The following PHEX variants were observed in gnomAD, a reference collection of about 807,000 sequenced individuals.
The protein encoded by PHEX is phosphate regulating endopeptidase X-linked, also known as phosphate-regulating neutral endopeptidase PHEX.
PHEX carries 16 observed loss-of-function variants against 68.0 expected under a neutral mutation model. The ratio of observed to expected loss-of-function variants is 0.24; its 90% CI spans 0.16 to 0.36. The LOEUF (loss-of-function observed/expected upper bound fraction) is 0.36, where lower values mean the gene tolerates loss of function less well. Among genes scored for constraint, PHEX ranks in the 10% least tolerant of loss-of-function variants. The pLI is 1.00. For missense variants in PHEX, 480 were observed against 575.5 expected, an observed-to-expected ratio of 0.83 and a Z score of 1.70; for synonymous variants, 208 against 205.1, an observed-to-expected ratio of 1.01 and a Z score of -0.12.
chrX:22,091,882 G>A (rs1333352050), intron 6 of PHEX, among the ~76,000 whole-genome samples: 1 of 112,123 alleles, frequency 8.9e-6, no homozygotes, highest in Non-Finnish European at 1.9e-5. Flanking sequence ...ATGGTGTCAG[G>A]CAAGAGAGCT....
intron 5 of PHEX, among the ~76,000 whole-genome samples, chrX:22,082,404 C>T (rs1462211711): frequency 8.9e-6 from 1 of 112,312 alleles, no homozygotes; most frequent in African/African-American, 3.2e-5. Context: ...ACCATTCTGA[C>T]TGGTGTGAGA....
At chrX:22,041,661 A>T (rs1361898704) in intron 2 of PHEX, among the ~76,000 whole-genome samples, 1 of 110,293 alleles carries the variant, frequency 9.1e-6, no homozygotes, top group Non-Finnish European at 1.9e-5. Flanking sequence ...GAGCAGGCGG[A>T]ACTATCAGGA....
Position 22,047,046 on chromosome X carries a change from A to G in PHEX, c.188-4A>G. 1 of 1,203,175 alleles carries G rather than the reference A, an allele frequency of 8.3e-7. No homozygotes were observed. ...ATTAATCCTATGATTTTCTTTCTAA[A>G]TAGCTGCTGCCATCTTAAGTAAAGT... On this transcript the variant is annotated splice_polypyrimidine_tract_variant and splice_region_variant and intron_variant, in intron 2 of 21. Transcript: ENST00000379374.
chrX:22,139,411 TGTCG>T (rs1932363667), intron 12 of PHEX, among the ~76,000 whole-genome samples: 1 of 112,190 alleles, frequency 8.9e-6, no homozygotes, highest in African/African-American at 3.2e-5. Flanking sequence ...AATTCAGTAT[TGTCG>T]TTGTGATATA....
intron 9 of PHEX, among the ~76,000 whole-genome samples, chrX:22,102,603 C>G (rs1183591121): frequency 8.9e-6 from 1 of 112,129 alleles, no homozygotes; most frequent in Non-Finnish European, 1.9e-5. Context: ...TACCCCATCA[C>G]CACCACAAGG....
rs1178231055 is a variant in PHEX at position 22,190,969 on chromosome X, A to G, written c.1645+467A>G. ...TTATGTCTTGAGGTTTTCTACTTAC[A>G]TGTATCAGGTATATGTAATTAAAAA... On this transcript the variant is annotated intron_variant, in intron 15 of 21. Transcript: ENST00000379374. Among the ~76,000 whole-genome samples the G allele has an allele frequency of 8.9e-5, 10 of 112,013 alleles. No individual in the cohort carries two copies. In the South Asian group the frequency reaches 2.6e-3, roughly 29 times the overall value.
At chrX:22,066,203 T>C (rs1012615990) in intron 3 of PHEX, among the ~76,000 whole-genome samples, 1 of 112,000 alleles carries the variant, frequency 8.9e-6, no homozygotes, top group Non-Finnish European at 1.9e-5. Flanking sequence ...GCGATATGTT[T>C]TGCCAGAGCT....
chrX:22,108,025 T>C (rs1382040332), intron 9 of PHEX, among the ~76,000 whole-genome samples: 1 of 112,149 alleles, frequency 8.9e-6, no homozygotes, highest in African/African-American at 3.2e-5. Flanking sequence ...CTGTAGGTGC[T>C]GGGTTCTTAC....
chrX:22,219,462 A>C (rs1321518334), intron 17 of PHEX, among the ~76,000 whole-genome samples: 2 of 112,508 alleles, frequency 1.8e-5, no homozygotes, highest in South Asian at 7.3e-4. Flanking sequence ...CTGGAGGAGC[A>C]AGCTCTGCTC....
intron 5 of PHEX, among the ~76,000 whole-genome samples, chrX:22,086,473 A>T (rs1357250840): frequency 2.7e-5 from 3 of 111,985 alleles, no homozygotes; most frequent in African/African-American, 9.7e-5. Flanking sequence ...AGAAACTATG[A>T]GTCAGGGAAA....
intron 12 of PHEX, among the ~76,000 whole-genome samples, chrX:22,142,230 C>T (rs778601572): frequency 7.2e-5 from 8 of 111,795 alleles, no homozygotes; most frequent in Non-Finnish European, 1.3e-4. Flanking sequence ...CCAGCCTGGG[C>T]GACAGAGTGA....
chrX:22,078,027 T>A (rs1248983828), intron 5 of PHEX, among the ~76,000 whole-genome samples: 2 of 112,012 alleles, frequency 1.8e-5, no homozygotes, highest in Non-Finnish European at 3.8e-5. Context: ...AGCAGAGATT[T>A]TCTGAGCCCT....
intron 3 of PHEX, among the ~76,000 whole-genome samples, chrX:22,063,520 G>A (rs1928464630): frequency 8.9e-6 from 1 of 111,982 alleles, no homozygotes; most frequent in African/African-American, 3.2e-5. Context: ...GGGAATGCGT[G>A]GGAGGTGCTG....
At chrX:22,127,172 C>T (rs974176093) in intron 11 of PHEX, among the ~76,000 whole-genome samples, 1 of 110,453 alleles carries the variant, frequency 9.1e-6, no homozygotes, top group African/African-American at 3.3e-5. Flanking sequence ...GCGCCCTGCC[C>T]CTGAAATAAA....
At chrX:22,157,493 A>T (rs757476744) in intron 12 of PHEX, among the ~76,000 whole-genome samples, 1 of 112,710 alleles carries the variant, frequency 8.9e-6, no homozygotes, top group South Asian at 3.6e-4. Context: ...GTTTACCAAG[A>T]AAACTCAAAT....
intron 9 of PHEX, among the ~76,000 whole-genome samples, chrX:22,110,439 T>C (rs1930911166): frequency 2.7e-5 from 3 of 112,379 alleles, no homozygotes; most frequent in African/African-American, 9.7e-5. Context: ...CATATTCTTT[T>C]TTTTATCCTT....
At chrX:22,237,336 GA>G (rs1182957551) in intron 20 of PHEX, among the ~76,000 whole-genome samples, 1 of 111,933 alleles carries the variant, frequency 8.9e-6, no homozygotes, top group Admixed American at 9.5e-5. Context: ...GTCAAATTCA[GA>G]ACCACTGTGA....
chrX:22,202,374 T>C (rs894536638), intron 15 of PHEX, among the ~76,000 whole-genome samples: 42 of 112,167 alleles, frequency 3.7e-4, no homozygotes, highest in South Asian at 3.4e-3. Flanking sequence ...AGACCATTTC[T>C]TTAGAGTAAA....
chrX:22,035,375 A>T (rs1451025116), intron 1 of PHEX, among the ~76,000 whole-genome samples: 1 of 111,920 alleles, frequency 8.9e-6, no homozygotes, highest in Non-Finnish European at 1.9e-5. Context: ...AGCCAGATAG[A>T]TAGTGAATAT....
Sources: allele counts gnomAD v4.1 joint callset (sites outside exome capture counted in the v4.1 genomes callset), GRCh38; gene constraint gnomAD v4.1.1; transcripts MANE v1.5; gene names NCBI Gene and HGNC (gene_info 2026-07-23, HGNC 2026-07-21).